GLIS3: variants seen among roughly 807,000 people sequenced by gnomAD.
The protein encoded by GLIS3 is zinc finger protein GLIS3.
Under a neutral mutation model 78.6 loss-of-function variants are expected in GLIS3, and 53 were observed. That is an observed-to-expected ratio of 0.67 (90% CI 0.54 to 0.85). GLIS3 has a LOEUF of 0.85. Among genes scored for constraint, GLIS3 ranks in the 40% least tolerant of loss-of-function variants. The pLI, the probability that GLIS3 is intolerant of heterozygous loss-of-function variation, is 0.00. For synonymous variants in GLIS3, 684 were observed against 509.9 expected (o/e 1.34, Z -4.60); for missense variants, 1,703 against 1,231.1 (o/e 1.38, Z -5.74).
chr9:4,340,152 C>G (rs1280593604), intron 2 of GLIS3, among the ~76,000 whole-genome samples: 2 of 151,828 alleles, frequency 1.3e-5, no homozygotes, highest in African/African-American at 4.8e-5. Flanking sequence ...ACAGCCTTCT[C>G]CATACTTTTA....
At chr9:4,393,820 CAT>C in the GLIS3 span, among the ~76,000 whole-genome samples, 1 of 152,202 alleles carries the variant, frequency 6.6e-6, no homozygotes, top group Admixed American at 6.5e-5. Flanking sequence ...TTAGTTAAGA[CAT>C]AATCTTTTTC....
the GLIS3 span, among the ~76,000 whole-genome samples, chr9:4,468,660 G>C: frequency 2.6e-5 from 4 of 152,058 alleles, no homozygotes; most frequent in Non-Finnish European, 5.9e-5. Flanking sequence ...AGGAACAACT[G>C]GTACCAGCCA....
At chr9:4,214,687 G>A (rs1057233829) in intron 2 of GLIS3, among the ~76,000 whole-genome samples, 3 of 152,200 alleles carry the variant, frequency 2.0e-5, no homozygotes, top group Admixed American at 6.5e-5. Flanking sequence ...TAAGGACGCT[G>A]TATTCTTTCC....
chr9:4,411,281 C>T, the GLIS3 span, among the ~76,000 whole-genome samples: 3 of 152,150 alleles, frequency 2.0e-5, no homozygotes, highest in South Asian at 4.1e-4. Context: ...TCACTTGGTG[C>T]AAACATGCCA....
At chr9:4,358,107 T>G in the GLIS3 span, among the ~76,000 whole-genome samples, 1 of 152,182 alleles carries the variant, frequency 6.6e-6, no homozygotes, top group South Asian at 2.1e-4. Context: ...CCCATTTGTG[T>G]GTATGTATAT....
chr9:4,299,368 C>T (rs1318018832), intron 1 of GLIS3, 53 bp downstream of exon 1: 2 of 152,284 alleles, frequency 1.3e-5, no homozygotes, highest in South Asian at 2.1e-4. Flanking sequence ...CTCAAGCGCC[C>T]GGTTTCTCCT....
chr9:4,115,728 A>C (rs2130864971), intron 4 of GLIS3, among the ~76,000 whole-genome samples: 1 of 152,314 alleles, frequency 6.6e-6, no homozygotes, highest in East Asian at 1.9e-4. Context: ...CCTGCTAAAA[A>C]TATATAGCCC....
rs369677580 is a variant in GLIS3 at position 3,926,233 on chromosome 9, G to GTTTT, written c.1983+6123_1983+6126dup. ...CGACTAAAGCAATGCTTTTTCTTTT[G>GTTTT]TTTTTTTTTTTTTCTTTGACGGAGT... On this transcript the variant is annotated intron_variant, in intron 6 of 10. Transcript: ENST00000381971. Among the ~76,000 whole-genome samples the GTTTT allele has an allele frequency of 5.2e-5, 7 of 135,138 alleles. 1 individual carries two copies. The highest frequency in any genetic ancestry group is 7.9e-5 in the Non-Finnish European group (5 of 63,500). 88.7% of individuals were successfully genotyped at this position (135,138 alleles called of 152,430 possible).
At chr9:4,407,796 A>G in the GLIS3 span, among the ~76,000 whole-genome samples, 1 of 152,232 alleles carries the variant, frequency 6.6e-6, no homozygotes, top group Non-Finnish European at 1.5e-5. Flanking sequence ...CTTCTGCACA[A>G]CAAAGAAAAC....
chr9:4,060,973 T>C (rs1272670391), intron 4 of GLIS3, among the ~76,000 whole-genome samples: 1 of 152,188 alleles, frequency 6.6e-6, no homozygotes, highest in Non-Finnish European at 1.5e-5. Context: ...AGTTCCTACT[T>C]TCTGGCCTAT....
At chr9:4,435,123 T>G in the GLIS3 span, among the ~76,000 whole-genome samples, 1 of 152,242 alleles carries the variant, frequency 6.6e-6, no homozygotes, top group African/African-American at 2.4e-5. Context: ...TTTGAGCTGG[T>G]TGGCAGGGTA....
chr9:3,828,581 G>C (rs1227708492), intron 10 of GLIS3, among the ~76,000 whole-genome samples, 173 bp from the exon 11 acceptor site: 3 of 152,198 alleles, frequency 2.0e-5, no homozygotes, highest in African/African-American at 7.2e-5. Context: ...TGAGGGAAGA[G>C]GCTGACTTGC....
the GLIS3 span, among the ~76,000 whole-genome samples, chr9:4,422,365 A>G: frequency 6.6e-6 from 1 of 152,222 alleles, no homozygotes; most frequent in South Asian, 2.1e-4. Context: ...TTAAATAAAT[A>G]ATCTTACAAA....
the GLIS3 span, among the ~76,000 whole-genome samples, chr9:4,406,826 A>C: frequency 6.6e-6 from 1 of 152,246 alleles, no homozygotes. Context: ...AAGATACTCC[A>C]TGTTCATGGA....
rs1829222594 is a variant in GLIS3 at position 4,088,377 on chromosome 9, G to T, written c.1710+29391C>A. Among the ~76,000 whole-genome samples the T allele has an allele frequency of 2.0e-5, 3 of 152,192 alleles. No homozygotes were observed. The South Asian group carries it at 6.2e-4, about 32-fold the overall frequency. On this transcript the variant is annotated intron_variant, in intron 4 of 10. Coordinates refer to ENST00000381971, the MANE Select transcript of GLIS3 (RefSeq NM_001042413.2). ...TGGTGAATCCAATAATTAAAGAAGAGAGAAAGGTTGGAAAAATAAATGTTC... is the reference window on the plus strand; with the variant it reads ...TGGTGAATCCAATAATTAAAGAAGATAGAAAGGTTGGAAAAATAAATGTTC...
At chr9:3,901,081 C>T (rs10116783) in intron 6 of GLIS3, 140,787 of 152,758 alleles carry the variant, frequency 0.92, 65,152 homozygotes, top group East Asian at 1. Flanking sequence ...CTCGTGACTA[C>T]GCACCTTGTG....
the GLIS3 span, among the ~76,000 whole-genome samples, chr9:4,421,562 A>G: frequency 4.6e-5 from 7 of 152,230 alleles, no homozygotes; most frequent in Non-Finnish European, 7.3e-5. Flanking sequence ...GAGGCACTCA[A>G]TGGATTTCAC....
chr9:4,152,837 A>C (rs1834781189), intron 2 of GLIS3, among the ~76,000 whole-genome samples: 1 of 152,252 alleles, frequency 6.6e-6, no homozygotes, highest in East Asian at 1.9e-4. Flanking sequence ...AATATGAAGA[A>C]AACTACCTGT....
chr9:4,272,340 A>G (rs761500570), intron 2 of GLIS3, among the ~76,000 whole-genome samples: 8 of 152,206 alleles, frequency 5.3e-5, no homozygotes, highest in Non-Finnish European at 8.8e-5. Context: ...GACATAATGT[A>G]TCTTTCAGGA....
Sources: allele counts gnomAD v4.1 joint callset (sites outside exome capture counted in the v4.1 genomes callset), GRCh38; gene constraint gnomAD v4.1.1; transcripts MANE v1.5; gene names NCBI Gene and HGNC (gene_info 2026-07-23, HGNC 2026-07-21).